Variants in CSMD1 observed in about 807,000 individuals in gnomAD.
CSMD1 encodes CUB and Sushi multiple domains 1.
CSMD1 carries 213 observed loss-of-function variants against 417.5 expected under a neutral mutation model. The observed-to-expected ratio is 0.51, with a 90% CI of 0.46 to 0.57. CSMD1 has a LOEUF of 0.57. Among genes scored for constraint, CSMD1 ranks in the 20% least tolerant of loss-of-function variants. The probability of loss-of-function intolerance (pLI) is 0.00; values close to 1 mark genes in which losing one functional copy is unlikely to be tolerated. For synonymous variants in CSMD1, 2,862 were observed against 1,736.8 expected (o/e 1.65, Z -16.11); for missense variants, 6,923 against 4,529.7 (o/e 1.53, Z -15.17).
intron 1 of CSMD1, among the ~76,000 whole-genome samples, chr8:4,940,753 T>C (rs941398947): frequency 2.0e-5 from 3 of 152,192 alleles, no homozygotes; most frequent in Admixed American, 6.5e-5. Context: ...GCACAGGTGG[T>C]AATGCTTCAA....
chr8:3,898,365 C>T (rs576213753), intron 5 of CSMD1, among the ~76,000 whole-genome samples: 155 of 151,464 alleles, frequency 1.0e-3, no homozygotes, highest in African/African-American at 3.5e-3. Context: ...TGTTATATGG[C>T]ATGATCTGTT....
At chr8:3,162,337 G>T in intron 37 of CSMD1, 60 bp from the exon 38 acceptor site, 1 of 1,112,786 alleles carries the variant, frequency 9.0e-7, no homozygotes, top group South Asian at 1.3e-5. Flanking sequence ...CTTATCATTT[G>T]AATAACCAAA....
intron 3 of CSMD1, among the ~76,000 whole-genome samples, chr8:4,197,308 T>C (rs936633191): frequency 1.5e-4 from 23 of 152,244 alleles, no homozygotes; most frequent in African/African-American, 5.5e-4. Flanking sequence ...TGGGTAATGT[T>C]ATACAACAAC....
chr8:3,241,217 C>T (rs549061204), intron 26 of CSMD1, among the ~76,000 whole-genome samples: 1 of 151,050 alleles, frequency 6.6e-6, no homozygotes, highest in South Asian at 2.1e-4. Flanking sequence ...GTGGGGATAA[C>T]TAAAAAGGAG....
intron 1 of CSMD1, among the ~76,000 whole-genome samples, chr8:4,935,331 G>A (rs988695673): frequency 6.6e-6 from 1 of 152,146 alleles, no homozygotes. Flanking sequence ...AAATGCCCCT[G>A]CGCCCTCTGG....
intron 55 of CSMD1, among the ~76,000 whole-genome samples, chr8:2,977,114 C>G (rs905740692): frequency 1.3e-5 from 2 of 151,562 alleles, no homozygotes; most frequent in Non-Finnish European, 2.9e-5. Flanking sequence ...TATTTTTTAT[C>G]TTTATTTAAG....
In CSMD1 at chr8:3,147,046, A is replaced by G. The variant is rs116853103; in HGVS notation, c.6031+4351T>C. ...ACGTCTTATATTCCGGATAAGTGTT[A>G]TTACTCAGAGTAACTGGAGGAGCAA... On this transcript the variant is annotated intron_variant, in intron 40 of 69. Transcript: ENST00000635120. 3.7e-4 allele frequency among the ~76,000 whole-genome samples: 55 copies of G among 150,664 alleles called. No homozygotes were observed. The East Asian group carries it at 6.7e-3, about 18-fold the overall frequency.
chr8:4,118,727 C>A (rs1563146870), intron 3 of CSMD1, among the ~76,000 whole-genome samples: 1 of 152,184 alleles, frequency 6.6e-6, no homozygotes, highest in Admixed American at 6.5e-5. Context: ...TTTGACCCAG[C>A]AATCCCATTA....
rs568703101 is a variant in CSMD1 at position 3,655,004 on chromosome 8, C to G, written c.1010-38207G>C. Among the ~76,000 whole-genome samples the G allele has an allele frequency of 3.9e-5, 6 of 152,228 alleles. 1 individual carries two copies. The highest frequency in any genetic ancestry group is 3.3e-4 in the Admixed American group (5 of 15,290). On this transcript the variant is annotated intron_variant, in intron 7 of 69. Coordinates refer to ENST00000635120, the MANE Select transcript of CSMD1 (RefSeq NM_033225.6). ...GCCAGGTGTGAAGAAAGGGAGACAG[C>G]AATAACGCTCAAATTTTTAAATTTA... is the stretch of plus-strand genomic sequence containing the variant.
intron 12 of CSMD1, among the ~76,000 whole-genome samples, chr8:3,467,228 C>G (rs146354174): frequency 6.6e-6 from 1 of 152,182 alleles, no homozygotes; most frequent in African/African-American, 2.4e-5. Flanking sequence ...AGTTTGGGCA[C>G]GAGGTTCCTC....
At chr8:4,002,561 T>G (rs755534463) in intron 4 of CSMD1, among the ~76,000 whole-genome samples, 4 of 152,216 alleles carry the variant, frequency 2.6e-5, no homozygotes, top group Non-Finnish European at 5.9e-5. Context: ...AATTAATTAC[T>G]TAATTTTTGA....
At chr8:4,164,511 T>A (rs368896625) in intron 3 of CSMD1, among the ~76,000 whole-genome samples, 9 of 152,200 alleles carry the variant, frequency 5.9e-5, no homozygotes, top group African/African-American at 2.2e-4. Context: ...ATCCTACCAA[T>A]GTCCCCAGGC....
intron 1 of CSMD1, among the ~76,000 whole-genome samples, chr8:4,753,197 G>C (rs1019620519): frequency 3.9e-5 from 6 of 152,000 alleles, no homozygotes; most frequent in Non-Finnish European, 5.9e-5. Context: ...CAGGAGTAAG[G>C]CCCGGGTCCC....
At chr8:4,602,971 G>T (rs1230840351) in intron 2 of CSMD1, among the ~76,000 whole-genome samples, 1 of 151,846 alleles carries the variant, frequency 6.6e-6, no homozygotes, top group African/African-American at 2.4e-5. Context: ...AAGATATTCA[G>T]ACTATTTGTA....
intron 3 of CSMD1, among the ~76,000 whole-genome samples, chr8:4,403,538 A>T (rs13267484): frequency 0.3 from 46,338 of 151,960 alleles, 7,665 homozygotes; most frequent in African/African-American, 0.41. Context: ...ATCATTCGCC[A>T]GGGCTGATCA....
chr8:4,300,314 T>C (rs1487935726), intron 3 of CSMD1, among the ~76,000 whole-genome samples: 1 of 152,166 alleles, frequency 6.6e-6, no homozygotes, highest in African/African-American at 2.4e-5. Flanking sequence ...TGAGGGGACC[T>C]CAAAAAGTTT....
At chr8:4,012,719 G>C (rs746903602) in intron 4 of CSMD1, among the ~76,000 whole-genome samples, 3 of 152,098 alleles carry the variant, frequency 2.0e-5, no homozygotes, top group South Asian at 2.1e-4. Context: ...TGTCTAAATA[G>C]CAATCCAGAC....
At chr8:3,160,125 T>C (rs1405099344) in intron 38 of CSMD1, among the ~76,000 whole-genome samples, 2 of 152,134 alleles carry the variant, frequency 1.3e-5, no homozygotes, top group African/African-American at 2.4e-5. Context: ...ACAATTCTTT[T>C]CTTTTTTTCT....
chr8:4,324,305 A>G (rs1012603177), intron 3 of CSMD1, among the ~76,000 whole-genome samples: 6 of 152,216 alleles, frequency 3.9e-5, no homozygotes, highest in African/African-American at 1.2e-4. Context: ...TCCATTAACT[A>G]AACAGCAACC....
Sources: gnomAD v4.1 joint callset for allele counts (sites outside exome capture counted in the v4.1 genomes callset) on GRCh38, gnomAD v4.1.1 for gene constraint, MANE v1.5 for transcripts, NCBI Gene and HGNC (gene_info 2026-07-23, HGNC 2026-07-21) for gene names.